IQGAP1: variants seen among roughly 807,000 people sequenced by gnomAD.
IQGAP1 encodes the protein IQ motif containing GTPase activating protein 1, also known as ras GTPase-activating-like protein IQGAP1.
In IQGAP1, 66 loss-of-function variants were observed where a neutral mutation model predicts 215.6. The ratio of observed to expected loss-of-function variants is 0.31; its 90% CI spans 0.25 to 0.38. The LOEUF (loss-of-function observed/expected upper bound fraction) is 0.38, where lower values mean the gene tolerates loss of function less well. IQGAP1 is among the 10% of genes least tolerant of loss of function. The pLI is 1.00. For synonymous variants in IQGAP1, 772 were observed against 728.7 expected (o/e 1.06, Z -0.96); for missense variants, 1,712 against 1,997.1 (o/e 0.86, Z 2.72).
In IQGAP1 at chr15:90,416,578, C is replaced by CTTTTTTT. The variant is rs59801805; in HGVS notation, c.156-9521_156-9515dup. ...CTCTCCAGCACCTGTTGTTTCCTGACTTTTTTTTTTTTTTTTTGAGACGGA... is the reference window on the plus strand; with the variant it reads ...CTCTCCAGCACCTGTTGTTTCCTGACTTTTTTTTTTTTTTTTTTTTTTTTGAGACGGA... On this transcript the variant is annotated intron_variant, in intron 2 of 37. Transcript: ENST00000268182. Among the ~76,000 whole-genome samples the CTTTTTTT allele has an allele frequency of 7.9e-5, 11 of 139,306 alleles. 1 individual carries two copies. The highest frequency in any genetic ancestry group is 3.0e-4 in the African/African-American group (11 of 37,248). 91.4% of individuals were successfully genotyped at this position (139,306 alleles called of 152,430 possible). A position where few individuals can be genotyped will look rare whatever the true frequency, so the allele number is the denominator to read the frequency against.
intron 13 of IQGAP1, among the ~76,000 whole-genome samples, chr15:90,454,197 C>T (rs10520686): frequency 6.6e-6 from 1 of 152,058 alleles, no homozygotes; most frequent in African/African-American, 2.4e-5. Flanking sequence ...ATTGCTTGAA[C>T]TGCTGCCTTT....
chr15:90,491,577 C>T (rs1966205613), intron 34 of IQGAP1, 32 bp downstream of exon 34: 2 of 1,576,856 alleles, frequency 1.3e-6, no homozygotes, highest in Non-Finnish European at 1.7e-6. Flanking sequence ...GGGGACCCGG[C>T]CTTGTTCAAA....
At chr15:90,420,932 C>G (rs1019388024) in intron 2 of IQGAP1, among the ~76,000 whole-genome samples, 7 of 152,058 alleles carry the variant, frequency 4.6e-5, no homozygotes, top group Non-Finnish European at 1.0e-4. Flanking sequence ...GTGGGCGGAT[C>G]ACTTGAGGTC....
rs1966336791 is a variant in IQGAP1 at position 90,501,217 on chromosome 15, C to T, written c.*1109C>T. 4 of 152,440 alleles carry T rather than the reference C, an allele frequency of 2.6e-5. No homozygotes were observed. In the South Asian group the frequency reaches 8.3e-4, roughly 32 times the overall value. The allele number at this position is 152,440 out of a possible 1,614,324, so 9.4% of individuals were successfully genotyped here. ...AAACAAAACCAGCCAACCTATGTTACACGTGAGATTAAAACCAATTTTTTC... is the reference window on the plus strand; with the variant it reads ...AAACAAAACCAGCCAACCTATGTTATACGTGAGATTAAAACCAATTTTTTC... On this transcript the variant is annotated 3_prime_UTR_variant, in exon 38 of 38. Transcript: ENST00000268182.
At chr15:90,439,546 T>C in intron 6 of IQGAP1, 147 bp downstream of exon 6, 1 of 571,552 alleles carries the variant, frequency 1.7e-6, no homozygotes, top group Non-Finnish European at 3.1e-6. Context: ...TTCTCTAATG[T>C]GGGGTAAAGA....
intron 33 of IQGAP1, among the ~76,000 whole-genome samples, chr15:90,489,951 T>G (rs1006471881): frequency 5.9e-5 from 9 of 152,232 alleles, no homozygotes; most frequent in Admixed American, 3.3e-4. Flanking sequence ...ACAGGTTAAC[T>G]GGCTAAGATC....
intron 19 of IQGAP1, 49 bp from the exon 20 acceptor site, chr15:90,473,666 A>G (rs201696170): frequency 6.6e-6 from 9 of 1,353,976 alleles, no homozygotes; most frequent in Admixed American, 3.8e-5. Flanking sequence ...TTTAACTTCC[A>G]TTGATGCTTG....
intron 2 of IQGAP1, among the ~76,000 whole-genome samples, chr15:90,421,844 A>G (rs1264400267): frequency 6.6e-6 from 1 of 152,156 alleles, no homozygotes; most frequent in African/African-American, 2.4e-5. Flanking sequence ...TATTTTTTGT[A>G]GAGACGGGGT....
intron 2 of IQGAP1, among the ~76,000 whole-genome samples, chr15:90,418,029 C>T (rs1965077824): frequency 6.6e-6 from 1 of 152,118 alleles, no homozygotes; most frequent in African/African-American, 2.4e-5. Flanking sequence ...TTTATTTGAG[C>T]AAAGCCTAGT....
At chr15:90,443,368 T>G in intron 8 of IQGAP1, 26 bp from the exon 9 acceptor site, 1 of 1,520,798 alleles carries the variant, frequency 6.6e-7, no homozygotes, top group Non-Finnish European at 9.1e-7. Flanking sequence ...TAAGCTAACT[T>G]AATTACGCTT....
At chr15:90,449,936 A>C (rs1965578151) in intron 11 of IQGAP1, among the ~76,000 whole-genome samples, 1 of 152,240 alleles carries the variant, frequency 6.6e-6, no homozygotes, top group South Asian at 2.1e-4. Flanking sequence ...ACATGCATAC[A>C]ATGTATTATG....
Position 90,487,210 on chromosome 15 carries a change from C to T in IQGAP1, c.4160+121C>T, listed in dbSNP as rs1966138817. 3 of 939,564 alleles carry T rather than the reference C, an allele frequency of 3.2e-6. No individual in the cohort carries two copies. The Admixed American group carries it at 6.5e-5, about 20-fold the overall frequency. 58.2% of individuals were successfully genotyped at this position (939,564 alleles called of 1,614,324 possible). Reference sequence around the variant, plus strand: ...CCTGACCTCTCGTACTTGTCATAATCCCAGTCACCAATCACCTCGCATATT... The same window carrying T: ...CCTGACCTCTCGTACTTGTCATAATTCCAGTCACCAATCACCTCGCATATT... On this transcript the variant is annotated intron_variant, in intron 32 of 37. Coordinates refer to ENST00000268182, the MANE Select transcript of IQGAP1 (RefSeq NM_003870.4).
chr15:90,487,707 TG>T, intron 33 of IQGAP1, 125 bp downstream of exon 33: 2 of 655,306 alleles, frequency 3.1e-6, no homozygotes, highest in South Asian at 1.9e-5. Flanking sequence ...TGAATGTAAC[TG>T]GGGGACAGTG....
intron 1 of IQGAP1, 107 bp downstream of exon 1, chr15:90,388,503 G>A (rs1378604297): frequency 2.0e-6 from 2 of 1,017,826 alleles, no homozygotes; most frequent in Non-Finnish European, 2.7e-6. Flanking sequence ...GCGGCTGCCG[G>A]CAGCTCGGAC....
At chr15:90,409,738 T>G (rs1964931986) in intron 2 of IQGAP1, among the ~76,000 whole-genome samples, 1 of 152,174 alleles carries the variant, frequency 6.6e-6, no homozygotes, top group Non-Finnish European at 1.5e-5. Flanking sequence ...TTTTCCCCAT[T>G]GAAATTTCTC....
chr15:90,476,536 A>G (rs973939722), intron 23 of IQGAP1, 127 bp from the exon 24 acceptor site: 8 of 572,608 alleles, frequency 1.4e-5, no homozygotes, highest in Admixed American at 6.9e-5. Flanking sequence ...GTTTTTAAAT[A>G]TTCAGTGGGA....
chr15:90,466,742 C>T (rs1965838287), intron 17 of IQGAP1, among the ~76,000 whole-genome samples: 1 of 151,856 alleles, frequency 6.6e-6, no homozygotes, highest in Admixed American at 6.6e-5. Context: ...AGTAGTTTGT[C>T]TGTAAAAAGA....
chr15:90,418,141 A>T (rs139491977), intron 2 of IQGAP1, among the ~76,000 whole-genome samples: 50 of 152,268 alleles, frequency 3.3e-4, no homozygotes, highest in Non-Finnish European at 6.0e-4. Flanking sequence ...ACGTTATACC[A>T]CTGATAAGTG....
intron 7 of IQGAP1, among the ~76,000 whole-genome samples, chr15:90,441,220 T>C (rs1412137602): frequency 6.6e-6 from 1 of 152,234 alleles, no homozygotes; most frequent in African/African-American, 2.4e-5. Context: ...CCAGAGCAAG[T>C]GTTCCTTGCA....
Sources: allele counts gnomAD v4.1 joint callset (sites outside exome capture counted in the v4.1 genomes callset), GRCh38; gene constraint gnomAD v4.1.1; transcripts MANE v1.5; gene names NCBI Gene and HGNC (gene_info 2026-07-23, HGNC 2026-07-21).